The following WWC2 variants were observed in gnomAD, a reference collection of about 807,000 sequenced individuals.
WWC2 encodes protein WWC2.
WWC2 carries 101 observed loss-of-function variants against 138.5 expected under a neutral mutation model. The observed-to-expected ratio is 0.73, with a 90% CI of 0.62 to 0.86. WWC2 has a LOEUF of 0.86. Ranked by LOEUF, WWC2 falls within the 40% of genes least tolerant of loss-of-function variation. The pLI, the probability that WWC2 is intolerant of heterozygous loss-of-function variation, is 0.00. For missense variants in WWC2, 1,420 were observed against 1,419.4 expected (o/e 1.00, Z -0.01); for synonymous variants, 558 against 538.4 (o/e 1.04, Z -0.50).
chr4:183,269,260 C>A, intron 15 of WWC2, 97 bp downstream of exon 15: 1 of 1,208,820 alleles, frequency 8.3e-7, no homozygotes, highest in Non-Finnish European at 1.2e-6. Context: ...CTAGAAATCA[C>A]TACAGACCTG....
chr4:183,306,524 T>G (rs759213853), intron 21 of WWC2, among the ~76,000 whole-genome samples: 1 of 151,822 alleles, frequency 6.6e-6, no homozygotes, highest in Non-Finnish European at 1.5e-5. Flanking sequence ...AAAAAAAAAG[T>G]ATGACATAAT....
intron 4 of WWC2, among the ~76,000 whole-genome samples, chr4:183,213,913 T>A (rs1735676557): frequency 6.6e-6 from 1 of 151,726 alleles, no homozygotes; most frequent in Non-Finnish European, 1.5e-5. Context: ...AAACTTTAAA[T>A]TCAATTGCCG....
intron 4 of WWC2, among the ~76,000 whole-genome samples, chr4:183,236,635 A>G (rs1736432506): frequency 1.3e-5 from 2 of 152,216 alleles, no homozygotes; most frequent in African/African-American, 2.4e-5. Flanking sequence ...TTCATCCACA[A>G]GGTCTCAATT....
At chr4:183,285,837 G>A in intron 19 of WWC2, 130 bp from the exon 20 acceptor site, 1 of 754,578 alleles carries the variant, frequency 1.3e-6, no homozygotes. Context: ...CTTGTTTGAG[G>A]GGATTTTCTT....
intron 1 of WWC2, among the ~76,000 whole-genome samples, chr4:183,145,200 G>A (rs1188138933): frequency 6.6e-6 from 1 of 152,300 alleles, no homozygotes; most frequent in East Asian, 1.9e-4. Context: ...CCCTCATAGG[G>A]TTGTTAAAGA....
chr4:183,276,604 T>C (rs1246596636), intron 16 of WWC2, among the ~76,000 whole-genome samples: 1 of 152,172 alleles, frequency 6.6e-6, no homozygotes, highest in Admixed American at 6.6e-5. Flanking sequence ...GCTATTATTG[T>C]CATATATTTT....
intron 2 of WWC2, among the ~76,000 whole-genome samples, chr4:183,202,071 T>C (rs975552111): frequency 1.3e-5 from 2 of 152,114 alleles, no homozygotes; most frequent in Admixed American, 6.6e-5. Context: ...TGTGGTTTCC[T>C]GGGGAAGGAA....
At chr4:183,144,701 A>C (rs1733400524) in intron 1 of WWC2, among the ~76,000 whole-genome samples, 1 of 152,306 alleles carries the variant, frequency 6.6e-6, no homozygotes, top group Non-Finnish European at 1.5e-5. Context: ...TACTAATAAG[A>C]GGTTCTGGGT....
intron 1 of WWC2, among the ~76,000 whole-genome samples, chr4:183,137,194 A>T (rs948885909): frequency 3.9e-5 from 6 of 152,124 alleles, no homozygotes; most frequent in Admixed American, 2.6e-4. Context: ...TACATTTATT[A>T]AAAAATTTTT....
intron 1 of WWC2, among the ~76,000 whole-genome samples, chr4:183,183,187 T>A (rs6843475): frequency 0.98 from 149,677 of 152,280 alleles, 73,607 homozygotes; most frequent in Middle Eastern, 1. Flanking sequence ...TAAATATTTT[T>A]ATTTTAAGTT....
chr4:183,224,148 A>T (rs1485686954), intron 4 of WWC2, among the ~76,000 whole-genome samples: 1 of 152,230 alleles, frequency 6.6e-6, no homozygotes, highest in Non-Finnish European at 1.5e-5. Context: ...CCCATGGTGT[A>T]CTTAAATTCC....
At chr4:183,152,902 A>G (rs1257943032) in intron 1 of WWC2, among the ~76,000 whole-genome samples, 3 of 151,782 alleles carry the variant, frequency 2.0e-5, no homozygotes. Flanking sequence ...TAAAAAATAA[A>G]TAAAAATAAT....
chr4:183,277,070 G>A lies in WWC2; in HGVS notation c.2563-3706G>A, dbSNP rs1266612746. On this transcript the variant is annotated intron_variant, in intron 16 of 22. Coordinates refer to ENST00000403733, the MANE Select transcript of WWC2 (RefSeq NM_024949.6). ...ATGTATACATGTGCCATGCTGGTGC[G>A]CTGCACCCACTAACTCATCATCTAG... Among the ~76,000 whole-genome samples the A allele has an allele frequency of 4.0e-5, 6 of 150,590 alleles. No homozygotes were observed. The East Asian group carries it at 7.8e-4, about 20-fold the overall frequency.
At chr4:183,279,234 CAT>C (rs1737980767) in intron 16 of WWC2, among the ~76,000 whole-genome samples, 1 of 151,966 alleles carries the variant, frequency 6.6e-6, no homozygotes, top group Non-Finnish European at 1.5e-5. Context: ...TTGAGATAAT[CAT>C]GTGGTTTTTG....
At chr4:183,257,696 C>T (rs746552884) in intron 9 of WWC2, among the ~76,000 whole-genome samples, 2 of 152,098 alleles carry the variant, frequency 1.3e-5, no homozygotes, top group Non-Finnish European at 1.5e-5. Flanking sequence ...TTCAGGCTTT[C>T]GCTAGGAGAG....
At chr4:183,232,082 G>T (rs1014042087) in intron 4 of WWC2, among the ~76,000 whole-genome samples, 1 of 152,176 alleles carries the variant, frequency 6.6e-6, no homozygotes, top group African/African-American at 2.4e-5. Flanking sequence ...CCACTGGAAA[G>T]GTTGTGGATG....
Position 183,102,689 on chromosome 4 carries a change from C to A in WWC2, c.131+3067C>A, listed in dbSNP as rs181972284. ...TTTCAGGCTGAGTGACTAGGCTAAT[C>A]CTGGGGAAATCTCCCTGTTTGTGAT... On this transcript the variant is annotated intron_variant, in intron 1 of 22. Coordinates refer to ENST00000403733, the MANE Select transcript of WWC2 (RefSeq NM_024949.6). 1.7e-4 allele frequency among the ~76,000 whole-genome samples: 26 copies of A among 152,212 alleles called. No individual in the cohort carries two copies. The East Asian group carries it at 5.0e-3, about 29-fold the overall frequency.
intron 9 of WWC2, among the ~76,000 whole-genome samples, chr4:183,255,096 G>A (rs901310438): frequency 6.6e-6 from 1 of 152,202 alleles, no homozygotes; most frequent in East Asian, 1.9e-4. Context: ...AAGGTAACAC[G>A]CAGCCTCAGT....
At chr4:183,099,720 G>C (rs1743101983) in intron 1 of WWC2, 98 bp downstream of exon 1, 1 of 1,114,616 alleles carries the variant, frequency 9.0e-7, no homozygotes. Flanking sequence ...CCGGCCCGCG[G>C]TGCCCCGAGG....
Sources: allele counts gnomAD v4.1 joint callset (sites outside exome capture counted in the v4.1 genomes callset), GRCh38; gene constraint gnomAD v4.1.1; transcripts MANE v1.5; gene names NCBI Gene and HGNC (gene_info 2026-07-23, HGNC 2026-07-21).